PITPNC1: variants seen among roughly 807,000 people sequenced by gnomAD.
The protein encoded by PITPNC1 is cytoplasmic phosphatidylinositol transfer protein 1.
PITPNC1 carries 18 observed loss-of-function variants against 44.7 expected under a neutral mutation model. That is an observed-to-expected ratio of 0.40 (90% CI 0.28 to 0.60). The LOEUF is 0.60. PITPNC1 is among the 20% of genes least tolerant of loss of function. The pLI, the probability that PITPNC1 is intolerant of heterozygous loss-of-function variation, is 0.39. For missense variants in PITPNC1, 290 were observed against 418.4 expected, an observed-to-expected ratio of 0.69 and a Z score of 2.68; for synonymous variants, 141 against 149.6, an observed-to-expected ratio of 0.94 and a Z score of 0.42.
At chr17:67,397,720 G>A (rs2038240679) in intron 1 of PITPNC1, among the ~76,000 whole-genome samples, 1 of 152,152 alleles carries the variant, frequency 6.6e-6, no homozygotes, top group Non-Finnish European at 1.5e-5. Context: ...TCTCCAATCA[G>A]GATGTTCAAC....
At chr17:67,464,982 A>C (rs1598702030) in intron 1 of PITPNC1, among the ~76,000 whole-genome samples, 1 of 152,038 alleles carries the variant, frequency 6.6e-6, no homozygotes, top group Non-Finnish European at 1.5e-5. Context: ...CAGGTGATCC[A>C]CCCGCCTTGG....
At chr17:67,517,189 T>G (rs1311860584) in intron 1 of PITPNC1, among the ~76,000 whole-genome samples, 1 of 152,254 alleles carries the variant, frequency 6.6e-6, no homozygotes, top group Non-Finnish European at 1.5e-5. Context: ...CATAAAACAG[T>G]GACTTGGACA....
intron 1 of PITPNC1, among the ~76,000 whole-genome samples, chr17:67,422,058 C>T (rs1263044749): frequency 6.6e-6 from 1 of 152,126 alleles, no homozygotes; most frequent in African/African-American, 2.4e-5. Flanking sequence ...GCAAGGTGAG[C>T]TGGTGTGACT....
chr17:67,432,381 G>A (rs930839702), intron 1 of PITPNC1, among the ~76,000 whole-genome samples: 5 of 152,086 alleles, frequency 3.3e-5, no homozygotes, highest in Admixed American at 6.5e-5. Flanking sequence ...CCAGCTACTC[G>A]GGAGGCTGAG....
At chr17:67,453,678 T>C (rs1670719709) in intron 1 of PITPNC1, among the ~76,000 whole-genome samples, 1 of 152,214 alleles carries the variant, frequency 6.6e-6, no homozygotes, top group South Asian at 2.1e-4. Context: ...CCATGAATTT[T>C]TATCGATGAA....
chr17:67,390,693 G>C (rs1228659785), intron 1 of PITPNC1, among the ~76,000 whole-genome samples: 1 of 152,158 alleles, frequency 6.6e-6, no homozygotes, highest in African/African-American at 2.4e-5. Context: ...ATCACACCAG[G>C]TTCTGCTGGG....
rs565788662 is a variant in PITPNC1, at chr17:67,488,760, G to T, written c.49-44042G>T. Among the ~76,000 whole-genome samples the T allele has an allele frequency of 5.9e-5, 9 of 152,214 alleles. No individual in the cohort carries two copies. The East Asian group carries it at 1.2e-3, about 20-fold the overall frequency. On this transcript the variant is annotated intron_variant, in intron 1 of 8. Coordinates refer to ENST00000581322, the MANE Select transcript of PITPNC1 (RefSeq NM_012417.4). ...CCCCTCCTGGCAGCCCCTGGCAGCC[G>T]CCCGTCTCTGAATTTCAGAGCCACT...
chr17:67,657,825 A>G (rs2144379612), intron 6 of PITPNC1, among the ~76,000 whole-genome samples: 1 of 152,344 alleles, frequency 6.6e-6, no homozygotes, highest in East Asian at 1.9e-4. Flanking sequence ...CTTATTCTGA[A>G]CTGAAGTGAG....
chr17:67,691,675 C>T (rs1381985473), intron 8 of PITPNC1, among the ~76,000 whole-genome samples: 1 of 152,146 alleles, frequency 6.6e-6, no homozygotes, highest in Admixed American at 6.5e-5. Context: ...ATCTTTGTGG[C>T]CCCTCAGAAT....
At chr17:67,640,544 G>C (rs914622451) in intron 6 of PITPNC1, among the ~76,000 whole-genome samples, 4 of 151,860 alleles carry the variant, frequency 2.6e-5, no homozygotes, top group Non-Finnish European at 5.9e-5. Flanking sequence ...GCCACGTATG[G>C]TGGCGGGCAC....
intron 5 of PITPNC1, among the ~76,000 whole-genome samples, chr17:67,593,061 G>A (rs572462397): frequency 6.2e-4 from 94 of 151,940 alleles, no homozygotes; most frequent in Non-Finnish European, 1.1e-3. Context: ...AGAAAAGAAT[G>A]GATCCCTACC....
intron 8 of PITPNC1, chr17:67,687,232 A>T (rs2042833379): frequency 2.0e-6 from 2 of 978,314 alleles, no homozygotes; most frequent in African/African-American, 1.6e-5. Context: ...ACAAATGCAC[A>T]TGTAAACTGA....
intron 1 of PITPNC1, among the ~76,000 whole-genome samples, chr17:67,415,533 GC>G (rs2038574294): frequency 6.6e-6 from 1 of 152,124 alleles, no homozygotes; most frequent in Non-Finnish European, 1.5e-5. Context: ...CTGGGCTCTG[GC>G]CAAATCAAAC....
chr17:67,432,306 G>A (rs1271856188), intron 1 of PITPNC1, among the ~76,000 whole-genome samples: 3 of 152,106 alleles, frequency 2.0e-5, no homozygotes, highest in Non-Finnish European at 4.4e-5. Context: ...TGGCTAACAC[G>A]GTGAAACCCC....
At chr17:67,395,671 T>C (rs2143809552) in intron 1 of PITPNC1, among the ~76,000 whole-genome samples, 1 of 152,248 alleles carries the variant, frequency 6.6e-6, no homozygotes, top group East Asian at 1.9e-4. Context: ...TGAATCATCA[T>C]TCGGGATTAT....
intron 1 of PITPNC1, among the ~76,000 whole-genome samples, chr17:67,462,381 A>G (rs1413644955): frequency 6.6e-6 from 1 of 150,832 alleles, no homozygotes; most frequent in Non-Finnish European, 1.5e-5. Context: ...ATAGGCGCCC[A>G]CCACCATGTC....
At chr17:67,598,048 C>T (rs1343348881) in intron 5 of PITPNC1, among the ~76,000 whole-genome samples, 2 of 152,070 alleles carry the variant, frequency 1.3e-5, no homozygotes, top group Non-Finnish European at 2.9e-5. Flanking sequence ...GTGGTGAAAC[C>T]CCGTCTCTAC....
At chr17:67,417,824 C>G (rs1037862691) in intron 1 of PITPNC1, among the ~76,000 whole-genome samples, 3 of 152,004 alleles carry the variant, frequency 2.0e-5, no homozygotes, top group African/African-American at 7.2e-5. Context: ...AGGAGGTTCT[C>G]TTGAGCCCAG....
intron 8 of PITPNC1, among the ~76,000 whole-genome samples, chr17:67,686,622 A>T (rs962783957): frequency 6.6e-6 from 1 of 152,176 alleles, no homozygotes; most frequent in Non-Finnish European, 1.5e-5. Flanking sequence ...AACAGCAATG[A>T]AAGTGTCCTT....
Sources: gnomAD v4.1 joint callset for allele counts (sites outside exome capture counted in the v4.1 genomes callset) on GRCh38, gnomAD v4.1.1 for gene constraint, MANE v1.5 for transcripts, NCBI Gene and HGNC (gene_info 2026-07-23, HGNC 2026-07-21) for gene names.